The following DDC variants were observed in gnomAD, a reference collection of about 807,000 sequenced individuals.
DDC encodes dopa decarboxylase, also known as aromatic-L-amino-acid decarboxylase.
In DDC, 43 loss-of-function variants were observed where a neutral mutation model predicts 60.0. The ratio of observed to expected loss-of-function variants is 0.72; its 90% confidence interval spans 0.56 to 0.92. The LOEUF (loss-of-function observed/expected upper bound fraction) is 0.92, where lower values mean the gene tolerates loss of function less well. Among genes scored for constraint, DDC ranks in the 40% least tolerant of loss-of-function variants. DDC has a pLI of 0.00. For synonymous variants in DDC, 232 were observed against 234.6 expected, an observed-to-expected ratio of 0.99 and a Z score of 0.10; for missense variants, 573 against 620.2, an observed-to-expected ratio of 0.92 and a Z score of 0.81.
intron 7 of DDC, among the ~76,000 whole-genome samples, chr7:50,501,006 C>A (rs932254891): frequency 5.9e-5 from 9 of 152,220 alleles, no homozygotes; most frequent in African/African-American, 2.2e-4. Flanking sequence ...ACAGCACACA[C>A]TGCATAGCAC....
intron 9 of DDC, chr7:50,492,833 G>C (rs1360374222): frequency 2.0e-6 from 3 of 1,531,124 alleles, no homozygotes; most frequent in African/African-American, 1.4e-5. Context: ...GTCCGGGAGA[G>C]ATGAGCGCAC....
intron 1 of DDC, 121 bp downstream of exon 1, chr7:50,565,164 A>C (rs2045401389): frequency 6.6e-6 from 1 of 152,354 alleles, no homozygotes. Context: ...AGCACCACAC[A>C]AGCTCCCTCA....
At chr7:50,477,242 G>A (rs1240812737) in intron 10 of DDC, among the ~76,000 whole-genome samples, 1 of 152,162 alleles carries the variant, frequency 6.6e-6, no homozygotes, top group Non-Finnish European at 1.5e-5. Context: ...GCCTAAAGCA[G>A]CAAACCCCAG....
chr7:50,488,988 T>G (rs2042943225), intron 9 of DDC, among the ~76,000 whole-genome samples: 1 of 151,028 alleles, frequency 6.6e-6, no homozygotes, highest in South Asian at 2.1e-4. Flanking sequence ...CTAAACTGAA[T>G]GGTTTTCTTT....
At chr7:50,465,814 C>T (rs114876767) in intron 13 of DDC, among the ~76,000 whole-genome samples, 123 of 152,364 alleles carry the variant, frequency 8.1e-4, no homozygotes, top group African/African-American at 2.7e-3. Context: ...CTAATAAGCA[C>T]GATGCCAACA....
At position 50,479,811 on chromosome 7, in the gene DDC, G is replaced by A; in HGVS notation, c.997C>T (p.Leu333=). 1.2e-6 allele frequency: 2 copies of A among 1,613,764 alleles called. No homozygotes were observed. The highest frequency in any genetic ancestry group is 1.7e-6 in the Non-Finnish European group (2 of 1,180,000). The change falls in exon 10 of 15, where the codon CTG becomes TTG. Residue 333 remains leucine, a synonymous_variant. Coordinates refer to ENST00000444124, the MANE Select transcript of DDC (RefSeq NM_001082971.2). The part of the protein sequence containing the change: ...TGAFRLDPTY[L]KHSHQDSGLI... The stretch of plus-strand genomic sequence containing the variant: ...CCTGAATCCTGATGGCTGTGCTTCA[G>A]GTAAGTGGGGTCCAGTCTAAAGGCT...
intron 13 of DDC, among the ~76,000 whole-genome samples, chr7:50,464,280 A>G (rs1396021876): frequency 6.6e-6 from 1 of 152,124 alleles, no homozygotes; most frequent in South Asian, 2.1e-4. Context: ...TATCCACTGC[A>G]TGGAACCACC....
intron 14 of DDC, among the ~76,000 whole-genome samples, chr7:50,459,889 C>G (rs1391563511): frequency 7.3e-6 from 1 of 136,298 alleles, no homozygotes; most frequent in Non-Finnish European, 1.6e-5. Flanking sequence ...GTGGGGGGGT[C>G]AGCCCCCCGC....
intron 6 of DDC, among the ~76,000 whole-genome samples, chr7:50,504,602 T>A (rs1673303329): frequency 6.6e-6 from 1 of 151,668 alleles, no homozygotes; most frequent in Non-Finnish European, 1.5e-5. Flanking sequence ...TTTCTATATA[T>A]ATATGTGTGT....
intron 1 of DDC, among the ~76,000 whole-genome samples, chr7:50,552,030 A>G (rs1480905870): frequency 6.6e-6 from 1 of 152,206 alleles, no homozygotes; most frequent in Non-Finnish European, 1.5e-5. Flanking sequence ...CTCTGGAATA[A>G]AAAAACACAA....
At chr7:50,477,444 T>C (rs1299556644) in intron 10 of DDC, 7 of 442,062 alleles carry the variant, frequency 1.6e-5, no homozygotes, top group Admixed American at 5.0e-5. Flanking sequence ...GGCACATCAG[T>C]GTCCCCTACT....
intron 7 of DDC, among the ~76,000 whole-genome samples, chr7:50,501,178 C>T (rs966125097): frequency 2.6e-5 from 4 of 152,234 alleles, no homozygotes; most frequent in Non-Finnish European, 5.9e-5. Flanking sequence ...CTCTTTCCTT[C>T]TGAGACTTCC....
Position 50,511,294 on chromosome 7 carries a change from G to A in DDC, c.715-7235C>T, listed in dbSNP as rs189292583. ...ATAGAGATATAATAGAGTACTATGC[G>A]ACTTTTTTTAACAAAATTATACTTT... On this transcript the variant is annotated intron_variant, in intron 6 of 14. Transcript: ENST00000444124. 1.1e-3 allele frequency among the ~76,000 whole-genome samples: 146 copies of A among 137,686 alleles called. 1 individual carries two copies. The highest frequency in any genetic ancestry group is 1.6e-3 in the Non-Finnish European group (106 of 65,430). The allele number at this position is 137,686 out of a possible 152,430, so 90.3% of individuals were successfully genotyped here.
At chr7:50,469,813 T>G (rs1288254983) in intron 12 of DDC, among the ~76,000 whole-genome samples, 1 of 152,016 alleles carries the variant, frequency 6.6e-6, no homozygotes, top group Non-Finnish European at 1.5e-5. Context: ...ACCCAATCTC[T>G]ACTTAAAATA....
At chr7:50,559,719 C>T (rs1047496944) in intron 1 of DDC, among the ~76,000 whole-genome samples, 2 of 152,234 alleles carry the variant, frequency 1.3e-5, no homozygotes, top group South Asian at 2.1e-4. Flanking sequence ...TGAGCCACTG[C>T]GCCCAGCCGC....
intron 5 of DDC, 43 bp from the exon 6 acceptor site, chr7:50,528,323 A>G (rs1169976598): frequency 8.1e-6 from 13 of 1,613,200 alleles, no homozygotes; most frequent in Non-Finnish European, 1.1e-5. Context: ...AGGTGTGTGC[A>G]TGCAGTTATT....
chr7:50,519,736 G>A (rs893978174), intron 6 of DDC, among the ~76,000 whole-genome samples: 8 of 152,006 alleles, frequency 5.3e-5, no homozygotes, highest in Non-Finnish European at 8.8e-5. Flanking sequence ...GGGGACTTGG[G>A]GGGAAGAGTG....
At chr7:50,528,314 G>A (rs769607391) in intron 5 of DDC, 34 bp from the exon 6 acceptor site, 1 of 1,613,332 alleles carries the variant, frequency 6.2e-7, no homozygotes, top group Admixed American at 1.7e-5. Context: ...GATTTGTACA[G>A]GTGTGTGCAT....
In DDC at chr7:50,539,913, A is replaced by T; in HGVS notation, c.315+2T>A. On this transcript the variant is annotated splice_donor_variant, in intron 3 of 14. Coordinates refer to ENST00000444124, the MANE Select transcript of DDC (RefSeq NM_001082971.2). LOFTEE classifies it high-confidence loss of function. ...CTTCCCGAGGTGCATCCGGACCCTC[A>T]CCCAGGAGAAGCCGATGCAGCCAAT... is the stretch of plus-strand genomic sequence containing the variant. 1 of 1,612,414 alleles carries T rather than the reference A, an allele frequency of 6.2e-7. No homozygotes were observed. Among genetic ancestry groups the T allele is most frequent in the Non-Finnish European group, 8.5e-7 (1 of 1,178,750 alleles).
Sources: gnomAD v4.1 joint callset for allele counts (sites outside exome capture counted in the v4.1 genomes callset) on GRCh38, gnomAD v4.1.1 for gene constraint, MANE v1.5 for transcripts, NCBI Gene and HGNC (gene_info 2026-07-23, HGNC 2026-07-21) for gene names.